CILP: variants seen among roughly 807,000 people sequenced by gnomAD.
CILP encodes cartilage intermediate layer protein 1.
A neutral mutation model predicts 82.5 loss-of-function variants in CILP; 75 were observed. That is an observed-to-expected ratio of 0.91 (90% CI 0.75 to 1.10). The LOEUF (loss-of-function observed/expected upper bound fraction) is 1.10, where lower values mean the gene tolerates loss of function less well. Among genes scored for constraint, CILP ranks in the 50% least tolerant of loss-of-function variants. The pLI is 0.00. For synonymous variants in CILP, 530 were observed against 580.3 expected (o/e 0.91, Z 1.25); for missense variants, 1,479 against 1,530.8 (o/e 0.97, Z 0.56).
At chr15:65,207,589 T>C in intron 3 of CILP, 83 bp downstream of exon 3, 1 of 1,253,832 alleles carries the variant, frequency 8.0e-7, no homozygotes, top group Admixed American at 1.9e-5. Context: ...GACCCTGACA[T>C]CATGCCCTGG....
intron 7 of CILP, among the ~76,000 whole-genome samples, chr15:65,202,594 A>G (rs1038757414): frequency 6.6e-6 from 1 of 151,766 alleles, no homozygotes; most frequent in Non-Finnish European, 1.5e-5. Flanking sequence ...CGCCCAGCTA[A>G]TTTTTGTATT....
Position 65,205,386 on chromosome 15 carries a change from C to G in CILP, c.505G>C (p.Gly169Arg). ...CAAATGCGTGTGCGAGTCTGGACCC[C>G]AGTCTGACCACAGGCAGCTGAGCAC... ...SKCSAACGQT[G>R]VQTRTRICLA... The change falls in exon 5 of 9, where the codon GGG (glycine) becomes CGG (arginine). Residue 169 changes from glycine (G) to arginine (R), a missense_variant. Transcript: ENST00000261883. The G allele has an allele frequency of 4.3e-6, 7 of 1,614,080 alleles. No individual in the cohort carries two copies. Among genetic ancestry groups the G allele is most frequent in the Non-Finnish European group, 5.9e-6 (7 of 1,180,028 alleles).
intron 1 of CILP, among the ~76,000 whole-genome samples, chr15:65,210,379 G>C (rs930086374): frequency 6.6e-6 from 1 of 152,172 alleles, no homozygotes; most frequent in Non-Finnish European, 1.5e-5. Flanking sequence ...AGATGTGCAC[G>C]GGCTGCAGCT....
Position 65,196,787 on chromosome 15 carries a change from C to T in CILP, c.3499G>A (p.Gly1167Arg). 1 of 1,591,736 alleles carries T rather than the reference C, an allele frequency of 6.3e-7. No individual in the cohort carries two copies. Among genetic ancestry groups the T allele is most frequent in the Non-Finnish European group, 8.6e-7 (1 of 1,167,266 alleles). Residue 1167 changes from glycine to arginine, a missense_variant, in exon 9 of 9, where the codon GGA becomes AGA. Coordinates refer to ENST00000261883, the MANE Select transcript of CILP (RefSeq NM_003613.4). ...GGAAATCTCAGAGAGGCCACCACTCCACCCTGGCGCTGGCCACCCCTGCTC... is the reference window on the plus strand; with the variant it reads ...GGAAATCTCAGAGAGGCCACCACTCTACCCTGGCGCTGGCCACCCCTGCTC... ...RASRGGQRQGGVVASLRFPRV... is the reference protein window; with the variant it reads ...RASRGGQRQGRVVASLRFPRV...
chr15:65,197,489 C>T lies in CILP; in HGVS notation c.2797G>A (p.Asp933Asn). 3 of 1,614,246 alleles carry T rather than the reference C, an allele frequency of 1.9e-6. No individual in the cohort carries two copies. In the South Asian group the frequency reaches 3.3e-5, roughly 18 times the overall value. Residue 933 changes from aspartate (D) to asparagine (N), a missense_variant, in exon 9 of 9, where the codon GAC becomes AAC. By Grantham distance (23) the Asp-to-Asn change is conservative. Transcript: ENST00000261883. Reference sequence around the variant, plus strand: ...TAGTCTTCAGTCCAGCTCATAGGGTCATCTTCGTTGAAGGGGACTGTGTTG... The same window carrying T: ...TAGTCTTCAGTCCAGCTCATAGGGTTATCTTCGTTGAAGGGGACTGTGTTG... ...DYNTVPFNED[D>N]PMSWTEDYLA...
intron 6 of CILP, among the ~76,000 whole-genome samples, chr15:65,203,892 A>G (rs899991866): frequency 1.3e-5 from 2 of 152,240 alleles, no homozygotes; most frequent in Non-Finnish European, 2.9e-5. Context: ...ACTATATTGT[A>G]TTGACCGTTA....
At position 65,199,075 on chromosome 15, in the gene CILP, G is replaced by C. The variant is rs146884487; in HGVS notation, c.1211C>G (p.Pro404Arg). 5.4e-5 allele frequency: 86 copies of C among 1,595,338 alleles called. No individual in the cohort carries two copies. In the African/African-American group the frequency reaches 1.0e-3, roughly 19 times the overall value. ...VIASDETPCN[P>R]VPESYLIRLP... ...CCGGATAAGATAGCTCTCAGGAACT[G>C]GGTTGCAAGGAGTCTCATCAGATGC... Residue 404 changes from proline (P) to arginine (R), a missense_variant, in exon 9 of 9, where the codon CCA becomes CGA. Transcript: ENST00000261883.
intron 2 of CILP, among the ~76,000 whole-genome samples, chr15:65,209,120 G>A (rs1035534314): frequency 3.5e-5 from 5 of 144,116 alleles, no homozygotes; most frequent in African/African-American, 7.7e-5. Context: ...GAGGGCTGAC[G>A]CTTAGATGCC....
intron 8 of CILP, 42 bp from the exon 9 acceptor site, chr15:65,199,141 A>G (rs1410277629): frequency 7.0e-7 from 1 of 1,430,792 alleles, no homozygotes; most frequent in Admixed American, 1.9e-5. Flanking sequence ...GTAAGTTTAC[A>G]TCCTACACAA....
chr15:65,196,830 C>G lies in CILP; in HGVS notation c.3456G>C (p.Ser1152=), dbSNP rs200931392. Residue 1152 remains serine, a synonymous_variant, in exon 9 of 9, where the codon TCG becomes TCC. Transcript: ENST00000261883. ...AAGTVQGRVP[S]RRQQRASRGG... ...CCCTGCTCGCTCGCTGCTGCCTCCT[C>G]GAGGGCACTCTTCCTTGGACAGTGC... The G allele has an allele frequency of 1.9e-6, 3 of 1,612,474 alleles. No individual in the cohort carries two copies. Among genetic ancestry groups the G allele is most frequent in the South Asian group, 1.1e-5 (1 of 90,882 alleles).
In CILP at chr15:65,201,913, G is replaced by A; in HGVS notation, c.1145C>T (p.Ala382Val). The change falls in exon 8 of 9, where the codon GCT becomes GTT. Residue 382 changes from alanine to valine, a missense_variant. Transcript: ENST00000261883. ...GGCAACCTTGGACTTCACAGCCCCA[G>A]CATCACTCTGGGCCTTGCAAAAGTA... ...GEYFCKAQSD[A>V]GAVKSKVAQL... 1.3e-6 allele frequency: 2 copies of A among 1,598,652 alleles called. No homozygotes were observed. The highest frequency in any genetic ancestry group is 1.3e-5 in the African/African-American group (1 of 74,190).
rs1297211556 is a variant in CILP, at chr15:65,198,514, TC to T, written c.1771del (p.Glu591LysfsTer27). 6.2e-7 allele frequency: 1 copy of T among 1,614,014 alleles called. No homozygotes were observed. Among genetic ancestry groups the T allele is most frequent in the African/African-American group, 1.3e-5 (1 of 74,902 alleles). Reference sequence around the variant, plus strand: ...AGCCATGGGGTCTTCACCAACCACTTCCCCCAGGGGGATGATGTTGGTCTCC... The same window carrying T: ...AGCCATGGGGTCTTCACCAACCACTTCCCCAGGGGGATGATGTTGGTCTCC... Reference protein sequence around the residue: ...AMETNIIPLGEVVGEDPMAEL... With the variant: ...AMETNIIPLGXVVGEDPMAEL... On this transcript the variant is annotated frameshift_variant, in exon 9 of 9. Transcript: ENST00000261883. LOFTEE classifies it high-confidence loss of function.
chr15:65,209,988 G>C (rs2088567096), intron 1 of CILP, 127 bp from the exon 2 acceptor site: 2 of 489,262 alleles, frequency 4.1e-6, no homozygotes, highest in East Asian at 7.2e-5. Flanking sequence ...ATATCTGCCT[G>C]AGTTGTGAAA....
At chr15:65,210,373 G>A (rs1250748825) in intron 1 of CILP, among the ~76,000 whole-genome samples, 1 of 152,200 alleles carries the variant, frequency 6.6e-6, no homozygotes, top group Admixed American at 6.5e-5. Flanking sequence ...ATTCCCAGAT[G>A]TGCACGGGCT....
Position 65,198,008 on chromosome 15 carries a change from G to T in CILP, c.2278C>A (p.Arg760=), listed in dbSNP as rs778091424. ...TCACTAGGCAAGAACCTCTCACTCC[G>T]GTAGGCCCTCACCTTAACAAAGCAC... ...RRCFVKVRAY[R]SERFLPSEQI... is the part of the protein sequence containing the mutation. The change falls in exon 9 of 9, where the codon CGG becomes AGG. Residue 760 remains arginine (R), a synonymous_variant. Coordinates refer to ENST00000261883, the MANE Select transcript of CILP (RefSeq NM_003613.4). The T allele has an allele frequency of 1.2e-6, 2 of 1,614,158 alleles. No individual in the cohort carries two copies.
intron 7 of CILP, among the ~76,000 whole-genome samples, chr15:65,202,572 C>T (rs1189377633): frequency 3.3e-5 from 5 of 151,972 alleles, no homozygotes; most frequent in African/African-American, 7.3e-5. Flanking sequence ...GGATTACAGG[C>T]ATGCACCACC....
At position 65,206,879 on chromosome 15, in the gene CILP, G is replaced by T; in HGVS notation, c.327C>A (p.Val109=). ...WTPAGSTGQV[V]HGSPREGFWC... ...AGAAACCCTCACGGGGACTACCATG[G>T]ACCACCTGGCCAGTGCTGCCCGCAG... Residue 109 remains valine (V), a synonymous_variant, in exon 4 of 9, where the codon GTC becomes GTA. Transcript: ENST00000261883. 6.2e-7 allele frequency: 1 copy of T among 1,613,998 alleles called. No individual in the cohort carries two copies. Among genetic ancestry groups the T allele is most frequent in the Non-Finnish European group, 8.5e-7 (1 of 1,180,008 alleles).
intron 8 of CILP, among the ~76,000 whole-genome samples, chr15:65,201,073 C>G (rs1327639942): frequency 6.6e-6 from 1 of 152,056 alleles, no homozygotes; most frequent in Admixed American, 6.6e-5. Flanking sequence ...GTGAACTCGG[C>G]TCACTGCAAC....
Position 65,194,846 on chromosome 15 carries a change from C to G in CILP, c.*1885G>C, listed in dbSNP as rs1456618682. 1 of 149,642 alleles carries G rather than the reference C, an allele frequency of 6.7e-6. No homozygotes were observed. The highest frequency in any genetic ancestry group is 1.5e-5 in the Non-Finnish European group (1 of 67,348). The allele number at this position is 149,642 out of a possible 1,614,324, so 9.3% of individuals were successfully genotyped here. ...GTGGGGAACCAGTCAGCCCACCTTC[C>G]CCAGCAACCCACCCCCCCCCGACCC... On this transcript the variant is annotated 3_prime_UTR_variant, in exon 9 of 9. Coordinates refer to ENST00000261883, the MANE Select transcript of CILP (RefSeq NM_003613.4).
Sources: allele counts gnomAD v4.1 joint callset (sites outside exome capture counted in the v4.1 genomes callset), GRCh38; gene constraint gnomAD v4.1.1; transcripts MANE v1.5; gene names NCBI Gene and HGNC (gene_info 2026-07-23, HGNC 2026-07-21).